Variants in GRIP1 observed in about 807,000 individuals in gnomAD.
The protein encoded by GRIP1 is glutamate receptor-interacting protein 1.
Under a neutral mutation model 129.9 loss-of-function variants are expected in GRIP1, and 45 were observed. The ratio of observed to expected loss-of-function variants is 0.35; its 90% CI spans 0.27 to 0.44. The LOEUF (loss-of-function observed/expected upper bound fraction) is 0.44, where lower values mean the gene tolerates loss of function less well. Ranked by LOEUF, GRIP1 falls within the 20% of genes least tolerant of loss-of-function variation. The probability of loss-of-function intolerance (pLI) is 1.00; values close to 1 mark genes in which losing one functional copy is unlikely to be tolerated. For synonymous variants in GRIP1, 530 were observed against 520.8 expected (o/e 1.02, Z -0.24); for missense variants, 1,196 against 1,396.8 (o/e 0.86, Z 2.29).
intron 2 of GRIP1, among the ~76,000 whole-genome samples, chr12:66,543,397 T>C (rs2061848734): frequency 6.6e-6 from 1 of 152,190 alleles, no homozygotes; most frequent in East Asian, 1.9e-4. Context: ...ATCTACTACA[T>C]TTTGTATGAC....
chr12:66,692,548 A>C (rs1257698031), intron 1 of GRIP1, among the ~76,000 whole-genome samples: 1 of 152,216 alleles, frequency 6.6e-6, no homozygotes, highest in African/African-American at 2.4e-5. Flanking sequence ...GAGATTTAAA[A>C]AAAAACAAAG....
At chr12:66,869,261 T>C (rs1470796372) in intron 1 of GRIP1, among the ~76,000 whole-genome samples, 1 of 152,010 alleles carries the variant, frequency 6.6e-6, no homozygotes, top group Non-Finnish European at 1.5e-5. Flanking sequence ...GCACCACTGC[T>C]GGGTAGAAAG....
At chr12:66,913,565 G>A (rs1402011255) in intron 1 of GRIP1, among the ~76,000 whole-genome samples, 1 of 152,152 alleles carries the variant, frequency 6.6e-6, no homozygotes, top group Non-Finnish European at 1.5e-5. Flanking sequence ...TAGGCTTCAG[G>A]AAGGCATTGC....
intron 1 of GRIP1, among the ~76,000 whole-genome samples, chr12:67,034,514 A>G (rs1331996729): frequency 6.6e-6 from 1 of 152,232 alleles, no homozygotes; most frequent in East Asian, 1.9e-4. Context: ...ATCTAAACAT[A>G]GAAAAGGTAC....
chr12:66,638,323 T>A (rs1317842710), intron 1 of GRIP1, among the ~76,000 whole-genome samples: 1 of 152,236 alleles, frequency 6.6e-6, no homozygotes, highest in Non-Finnish European at 1.5e-5. Context: ...ATTTATCACT[T>A]TATTTAATCT....
At chr12:66,798,923 A>C (rs2038778722) in intron 1 of GRIP1, among the ~76,000 whole-genome samples, 1 of 152,164 alleles carries the variant, frequency 6.6e-6, no homozygotes, top group Non-Finnish European at 1.5e-5. Flanking sequence ...CTAAGTAGTT[A>C]CAATTTATAT....
chr12:66,754,308 T>C (rs2037217553), intron 1 of GRIP1, among the ~76,000 whole-genome samples: 1 of 152,226 alleles, frequency 6.6e-6, no homozygotes, highest in Non-Finnish European at 1.5e-5. Context: ...ATAGTCTATG[T>C]TATCAAAAAT....
intron 11 of GRIP1, among the ~76,000 whole-genome samples, chr12:66,453,864 G>T (rs78718425): frequency 6.6e-6 from 1 of 152,146 alleles, no homozygotes; most frequent in Admixed American, 6.5e-5. Context: ...CAGAGTCTAG[G>T]CTTATAACCA....
chr12:66,517,369 A>C (rs2060876326), intron 6 of GRIP1, among the ~76,000 whole-genome samples: 1 of 152,190 alleles, frequency 6.6e-6, no homozygotes. Flanking sequence ...CTACAGACTA[A>C]TGAAATGTCT....
intron 1 of GRIP1, among the ~76,000 whole-genome samples, chr12:66,859,446 C>T (rs1337881387): frequency 6.6e-5 from 10 of 151,746 alleles, no homozygotes; most frequent in African/African-American, 9.7e-5. Flanking sequence ...TATTCAAACT[C>T]GAATATTAAT....
At chr12:66,527,307 A>G (rs1342271046) in intron 5 of GRIP1, among the ~76,000 whole-genome samples, 1 of 151,890 alleles carries the variant, frequency 6.6e-6, no homozygotes, top group Admixed American at 6.6e-5. Context: ...CTGGATTAAG[A>G]AAATGTGGCA....
intron 14 of GRIP1, among the ~76,000 whole-genome samples, chr12:66,430,729 A>G (rs1266083076): frequency 1.3e-5 from 2 of 152,246 alleles, no homozygotes; most frequent in African/African-American, 4.8e-5. Flanking sequence ...CTAAGAATAC[A>G]TCTATTGTAT....
intron 1 of GRIP1, among the ~76,000 whole-genome samples, chr12:66,699,250 C>G (rs887241983): frequency 6.6e-6 from 1 of 152,140 alleles, no homozygotes; most frequent in African/African-American, 2.4e-5. Flanking sequence ...TAAGTTAGTA[C>G]CTGGTGGGGC....
chr12:66,580,293 C>T (rs1164297092), intron 2 of GRIP1, among the ~76,000 whole-genome samples: 2 of 151,300 alleles, frequency 1.3e-5, no homozygotes, highest in African/African-American at 4.9e-5. Context: ...GTACCAGCTG[C>T]TGCAAAATCA....
At chr12:66,371,585 T>C (rs1213009366) in intron 23 of GRIP1, 109 bp downstream of exon 23, 11 of 781,138 alleles carry the variant, frequency 1.4e-5, no homozygotes, top group Non-Finnish European at 1.9e-5. Context: ...CTTCTTTGCT[T>C]GGCTGAGCCC....
chr12:66,628,816 C>T (rs996125396), intron 1 of GRIP1, among the ~76,000 whole-genome samples: 6 of 152,170 alleles, frequency 3.9e-5, no homozygotes, highest in Admixed American at 3.3e-4. Flanking sequence ...AAAGAATGAT[C>T]CGGCCCAAAA....
intron 1 of GRIP1, among the ~76,000 whole-genome samples, chr12:66,640,715 AAGAG>A (rs927405924): frequency 1.3e-5 from 2 of 152,208 alleles, no homozygotes; most frequent in Admixed American, 6.6e-5. Flanking sequence ...TAAAAAAACT[AAGAG>A]AGAATTATTC....
chr12:67,007,720 G>C (rs2042648218), intron 1 of GRIP1, among the ~76,000 whole-genome samples: 1 of 152,060 alleles, frequency 6.6e-6, no homozygotes, highest in Admixed American at 6.6e-5. Context: ...TGCCACCACA[G>C]GAAAATCATG....
chr12:66,851,659 G>C (rs981250602), intron 1 of GRIP1, among the ~76,000 whole-genome samples: 4 of 152,014 alleles, frequency 2.6e-5, no homozygotes, highest in South Asian at 2.1e-4. Context: ...TTTACAAATT[G>C]GCTCATTTAA....
Sources: allele counts gnomAD v4.1 joint callset (sites outside exome capture counted in the v4.1 genomes callset), GRCh38; gene constraint gnomAD v4.1.1; transcripts MANE v1.5; gene names NCBI Gene and HGNC (gene_info 2026-07-23, HGNC 2026-07-21).